The following PLEKHH2 variants were observed in gnomAD, a reference collection of about 807,000 sequenced individuals.
PLEKHH2 encodes pleckstrin homology, MyTH4 and FERM domain containing H2.
A neutral mutation model predicts 187.9 loss-of-function variants in PLEKHH2; 129 were observed. The ratio of observed to expected loss-of-function variants is 0.69; its 90% CI spans 0.59 to 0.79. PLEKHH2 has a LOEUF of 0.79. PLEKHH2 is among the 30% of genes least tolerant of loss of function. The pLI is 0.00. For missense variants in PLEKHH2, 2,076 were observed against 1,751.2 expected, an observed-to-expected ratio of 1.19 and a Z score of -3.31; for synonymous variants, 686 against 605.6, an observed-to-expected ratio of 1.13 and a Z score of -1.95.
chr2:43,757,092 T>A, intron 25 of PLEKHH2, 27 bp from the exon 26 acceptor site: 1 of 1,523,508 alleles, frequency 6.6e-7, no homozygotes, highest in Non-Finnish European at 8.8e-7. Flanking sequence ...TTTCAATATA[T>A]TTTCACTTTT....
Position 43,720,706 on chromosome 2 carries a change from T to C in PLEKHH2, c.2498T>C (p.Leu833Pro). 6.2e-7 allele frequency: 1 copy of C among 1,609,320 alleles called. No homozygotes were observed. Among genetic ancestry groups the C allele is most frequent in the Non-Finnish European group, 8.5e-7 (1 of 1,178,580 alleles). Residue 833 changes from leucine (L) to proline (P), a missense_variant, in exon 16 of 30, where the codon CTA becomes CCA. By Grantham distance (98) the Leu-to-Pro change is moderately conservative. Coordinates refer to ENST00000282406, the MANE Select transcript of PLEKHH2 (RefSeq NM_172069.4). ...TATTCCAAGAGAGTCTGGTGTACACTAATAGGAAAGACATTATATTATTTT... is the reference window on the plus strand; with the variant it reads ...TATTCCAAGAGAGTCTGGTGTACACCAATAGGAAAGACATTATATTATTTT... ...HGYSKRVWCT[L>P]IGKTLYYFRS...
intron 2 of PLEKHH2, among the ~76,000 whole-genome samples, chr2:43,666,452 G>A (rs1667218725): frequency 6.8e-6 from 1 of 147,170 alleles, no homozygotes; most frequent in South Asian, 2.1e-4. Flanking sequence ...CTCACGCTGG[G>A]AGCTGTAGAC....
chr2:43,732,001 A>G (rs1671062685), intron 19 of PLEKHH2, among the ~76,000 whole-genome samples: 1 of 152,148 alleles, frequency 6.6e-6, no homozygotes, highest in Non-Finnish European at 1.5e-5. Context: ...ATCACTCAAA[A>G]CTTGCCATGC....
intron 15 of PLEKHH2, among the ~76,000 whole-genome samples, chr2:43,716,185 GT>G (rs1670201030): frequency 6.6e-6 from 1 of 152,094 alleles, no homozygotes; most frequent in South Asian, 2.1e-4. Context: ...TGTACCTTGA[GT>G]TCACAAACTA....
chr2:43,686,786 A>G (rs958315656), intron 3 of PLEKHH2, among the ~76,000 whole-genome samples: 1 of 152,222 alleles, frequency 6.6e-6, no homozygotes, highest in East Asian at 1.9e-4. Flanking sequence ...CACTGATAAC[A>G]TGTCAGTAAA....
At chr2:43,700,932 A>T (rs1187071786) in intron 8 of PLEKHH2, among the ~76,000 whole-genome samples, 1 of 152,034 alleles carries the variant, frequency 6.6e-6, no homozygotes, top group Non-Finnish European at 1.5e-5. Flanking sequence ...CTCATTTTCA[A>T]GTTTTACTTT....
At chr2:43,704,434 G>A (rs1669546192) in intron 9 of PLEKHH2, among the ~76,000 whole-genome samples, 1 of 152,104 alleles carries the variant, frequency 6.6e-6, no homozygotes, top group Non-Finnish European at 1.5e-5. Context: ...GGCTGAGGCA[G>A]ACAGATCACG....
At chr2:43,650,347 G>C (rs1178980088) in intron 2 of PLEKHH2, among the ~76,000 whole-genome samples, 2 of 151,570 alleles carry the variant, frequency 1.3e-5, no homozygotes, top group Admixed American at 1.3e-4. Context: ...TGGCCAGGCT[G>C]GTCTCAAACT....
At position 43,758,997 on chromosome 2, in the gene PLEKHH2, C is replaced by A; in HGVS notation, c.4039C>A (p.Pro1347Thr). 6.2e-7 allele frequency: 1 copy of A among 1,612,270 alleles called. No individual in the cohort carries two copies. The highest frequency in any genetic ancestry group is 8.5e-7 in the Non-Finnish European group (1 of 1,178,730). ...RIYLTVARKW[P>T]FFGAKLFLAK... Reference sequence around the variant, plus strand: ...TTATTTGACAGTAGCCAGGAAGTGGCCATTCTTTGGTGCCAAGTTGTTTCT... The same window carrying A: ...TTATTTGACAGTAGCCAGGAAGTGGACATTCTTTGGTGCCAAGTTGTTTCT... Residue 1347 changes from proline (P) to threonine (T), a missense_variant, in exon 27 of 30, where the codon CCA becomes ACA. By Grantham distance (38) the Pro-to-Thr change is conservative (BLOSUM62 -1). Coordinates refer to ENST00000282406, the MANE Select transcript of PLEKHH2 (RefSeq NM_172069.4).
intron 19 of PLEKHH2, among the ~76,000 whole-genome samples, chr2:43,734,693 G>A (rs1281632246): frequency 6.6e-6 from 1 of 152,224 alleles, no homozygotes; most frequent in African/African-American, 2.4e-5. Flanking sequence ...ACAGTATGGA[G>A]GTTCCTCAAA....
intron 2 of PLEKHH2, among the ~76,000 whole-genome samples, chr2:43,670,198 T>G (rs1356408533): frequency 6.6e-6 from 1 of 152,202 alleles, no homozygotes; most frequent in South Asian, 2.1e-4. Flanking sequence ...CTTACACTGA[T>G]AGTAATGCTT....
chr2:43,651,809 T>C (rs753459030), intron 2 of PLEKHH2, among the ~76,000 whole-genome samples: 6 of 152,216 alleles, frequency 3.9e-5, no homozygotes, highest in Admixed American at 1.3e-4. Context: ...AATAATGTAT[T>C]TGAAAGTTCC....
At position 43,699,917 on chromosome 2, in the gene PLEKHH2, T is replaced by C. The variant is rs764805811; in HGVS notation, c.959T>C (p.Met320Thr). 3 of 1,614,016 alleles carry C rather than the reference T, an allele frequency of 1.9e-6. No individual in the cohort carries two copies. The South Asian group carries it at 3.3e-5, about 18-fold the overall frequency. The change falls in exon 8 of 30, where the codon ATG (methionine) becomes ACG (threonine). Residue 320 changes from methionine (M) to threonine (T), a missense_variant. Met to Thr is a moderately conservative substitution (Grantham distance 81). Transcript: ENST00000282406. ...TSEEGVQCSR[M>T]GSEMYLTASD... ...GAGGAAGGGGTCCAGTGTAGCAGGA[T>C]GGGAAGTGAAATGTATCTGACAGCA...
intron 8 of PLEKHH2, 149 bp from the exon 9 acceptor site, chr2:43,703,832 C>T: frequency 1.9e-6 from 1 of 525,600 alleles, no homozygotes. Context: ...TTTTAGTTGG[C>T]ACCGATGATG....
chr2:43,677,232 G>A (rs1162264183), intron 2 of PLEKHH2, among the ~76,000 whole-genome samples: 3 of 151,564 alleles, frequency 2.0e-5, no homozygotes, highest in African/African-American at 4.9e-5. Flanking sequence ...ATCATTCTTG[G>A]GTGTTTCTCG....
At chr2:43,652,554 A>C (rs1463412410) in intron 2 of PLEKHH2, among the ~76,000 whole-genome samples, 2 of 152,198 alleles carry the variant, frequency 1.3e-5, no homozygotes, top group Non-Finnish European at 2.9e-5. Flanking sequence ...AGGAGATAGA[A>C]GTCTCTAGGG....
chr2:43,741,160 T>C (rs1671544921), intron 21 of PLEKHH2, 117 bp downstream of exon 21: 1 of 884,442 alleles, frequency 1.1e-6, no homozygotes, highest in Admixed American at 3.0e-5. Context: ...AAACAAATAT[T>C]GGTACAGGAA....
chr2:43,653,085 C>G (rs1028331671), intron 2 of PLEKHH2, among the ~76,000 whole-genome samples: 2 of 151,996 alleles, frequency 1.3e-5, no homozygotes, highest in African/African-American at 4.8e-5. Flanking sequence ...TTCAATATGT[C>G]CAAGATCCAA....
At chr2:43,646,509 T>A (rs2104332835) in intron 2 of PLEKHH2, among the ~76,000 whole-genome samples, 1 of 152,324 alleles carries the variant, frequency 6.6e-6, no homozygotes, top group East Asian at 1.9e-4. Context: ...GGCTTCCTTA[T>A]GGACTAAATA....
Sources: gnomAD v4.1 joint callset for allele counts (sites outside exome capture counted in the v4.1 genomes callset) on GRCh38, gnomAD v4.1.1 for gene constraint, MANE v1.5 for transcripts, NCBI Gene and HGNC (gene_info 2026-07-23, HGNC 2026-07-21) for gene names.